The following KCNQ5 variants were observed in gnomAD, a reference collection of about 807,000 sequenced individuals.
KCNQ5 encodes the protein potassium voltage-gated channel subfamily KQT member 5.
In KCNQ5, 30 loss-of-function variants were observed where a neutral mutation model predicts 98.2. The observed-to-expected ratio is 0.31, with a 90% CI of 0.23 to 0.41. The LOEUF (loss-of-function observed/expected upper bound fraction) is 0.41. Among genes scored for constraint, KCNQ5 ranks in the 10% least tolerant of loss-of-function variants. The probability of loss-of-function intolerance (pLI) is 1.00; values close to 1 mark genes in which losing one functional copy is unlikely to be tolerated. For synonymous variants in KCNQ5, 458 were observed against 449.4 expected (o/e 1.02, Z -0.24); for missense variants, 835 against 1,182.5 (o/e 0.71, Z 4.31).
intron 1 of KCNQ5, among the ~76,000 whole-genome samples, chr6:72,992,629 T>C (rs1405770433): frequency 2.3e-4 from 1 of 4,440 alleles, no homozygotes; most frequent in Non-Finnish European, 3.3e-4. Flanking sequence ...CCAGTCTGTG[T>C]CTTTTAATTG....
intron 1 of KCNQ5, among the ~76,000 whole-genome samples, chr6:72,837,928 G>C (rs1451312069): frequency 6.6e-6 from 1 of 151,758 alleles, no homozygotes; most frequent in African/African-American, 2.4e-5. Context: ...TGGACACCAA[G>C]TTATTTTTTT....
chr6:72,853,664 C>A (rs568543249), intron 1 of KCNQ5, among the ~76,000 whole-genome samples: 2 of 152,180 alleles, frequency 1.3e-5, no homozygotes, highest in Non-Finnish European at 2.9e-5. Context: ...GGCTGATGTG[C>A]AGCCATGTTG....
intron 1 of KCNQ5, among the ~76,000 whole-genome samples, chr6:72,667,839 G>A (rs1766902689): frequency 6.6e-6 from 1 of 152,128 alleles, no homozygotes; most frequent in Admixed American, 6.5e-5. Context: ...TATCAGATGA[G>A]TGCAAGCTGA....
At chr6:72,803,549 C>T (rs530480528) in intron 1 of KCNQ5, among the ~76,000 whole-genome samples, 21 of 152,250 alleles carry the variant, frequency 1.4e-4, no homozygotes, top group African/African-American at 4.8e-4. Context: ...CTGGATCTGT[C>T]CTATAAATTA....
Position 73,196,760 on chromosome 6 carries a change from G to A in KCNQ5, c.*1346G>A, listed in dbSNP as rs546165574. The A allele has an allele frequency of 7.9e-5, 12 of 152,190 alleles. 1 individual carries two copies. The South Asian group carries it at 1.0e-3, about 13-fold the overall frequency. 9.4% of individuals were successfully genotyped at this position (152,190 alleles called of 1,614,324 possible). On this transcript the variant is annotated 3_prime_UTR_variant, in exon 14 of 14. Coordinates refer to ENST00000370398, the MANE Select transcript of KCNQ5 (RefSeq NM_019842.4). ...AACATTTACAATTAGAAGCTAGATA[G>A]TACTGGCAGAGTCTGCAAATCAGAA... is the stretch of plus-strand genomic sequence containing the variant.
At chr6:73,018,044 G>T (rs138036351) in intron 2 of KCNQ5, among the ~76,000 whole-genome samples, 25 of 152,166 alleles carry the variant, frequency 1.6e-4, no homozygotes, top group Admixed American at 4.6e-4. Context: ...AACATCAAAT[G>T]CAACCTCAAA....
At chr6:72,821,074 T>G (rs1257230904) in intron 1 of KCNQ5, among the ~76,000 whole-genome samples, 1 of 152,092 alleles carries the variant, frequency 6.6e-6, no homozygotes, top group African/African-American at 2.4e-5. Context: ...CAAGAGCTGG[T>G]GGAATGAGGA....
At chr6:72,642,956 C>T (rs1163750596) in intron 1 of KCNQ5, among the ~76,000 whole-genome samples, 1 of 152,132 alleles carries the variant, frequency 6.6e-6, no homozygotes, top group African/African-American at 2.4e-5. Flanking sequence ...ATATCCTTTG[C>T]AGGAACATGG....
chr6:72,941,515 C>T (rs901568697), intron 1 of KCNQ5, among the ~76,000 whole-genome samples: 45 of 140,616 alleles, frequency 3.2e-4, no homozygotes, highest in African/African-American at 1.1e-3. Context: ...TCTCTCCCTC[C>T]CTTCCTTCCT....
At chr6:72,960,386 TCA>T (rs1046599515) in intron 1 of KCNQ5, among the ~76,000 whole-genome samples, 15 of 152,156 alleles carry the variant, frequency 9.9e-5, no homozygotes, top group African/African-American at 3.4e-4. Flanking sequence ...TATTTCTATT[TCA>T]GTGTCCCCAA....
At chr6:72,932,760 T>TA (rs1423059182) in intron 1 of KCNQ5, among the ~76,000 whole-genome samples, 1 of 152,214 alleles carries the variant, frequency 6.6e-6, no homozygotes, top group Admixed American at 6.5e-5. Flanking sequence ...AATGCATCTA[T>TA]ATCCTGCATA....
chr6:72,638,432 G>A (rs6900054), intron 1 of KCNQ5, among the ~76,000 whole-genome samples: 61,427 of 151,808 alleles, frequency 0.4, 13,281 homozygotes, highest in Middle Eastern at 0.51. Flanking sequence ...CAGGCTTCAG[G>A]GCAGGAAGTG....
chr6:72,837,443 GCCTTTGTATGTAACA>G (rs1776552601), intron 1 of KCNQ5, among the ~76,000 whole-genome samples: 2 of 151,914 alleles, frequency 1.3e-5, no homozygotes, highest in African/African-American at 4.8e-5. Context: ...CTAGTACCTT[GCCTTTGTATGTAACA>G]CCTGTACTAG....
In KCNQ5 at chr6:72,628,289, G is replaced by C. The variant is rs913598952; in HGVS notation, c.398+5702G>C. ...TTAAAAGAAAAAAGATATGGGACTA[G>C]AAGTAGGAGATTAGTGCTTTGCTTG... On this transcript the variant is annotated intron_variant, in intron 1 of 13. Coordinates refer to ENST00000370398, the MANE Select transcript of KCNQ5 (RefSeq NM_019842.4). Among the ~76,000 whole-genome samples the C allele has an allele frequency of 3.3e-5, 5 of 152,272 alleles. No homozygotes were observed. The South Asian group carries it at 1.0e-3, about 32-fold the overall frequency.
chr6:72,780,304 T>C (rs1413334896), intron 1 of KCNQ5, among the ~76,000 whole-genome samples: 1 of 152,206 alleles, frequency 6.6e-6, no homozygotes, highest in East Asian at 1.9e-4. Context: ...GAGTTGGAGC[T>C]TTAAGAATTG....
intron 1 of KCNQ5, among the ~76,000 whole-genome samples, chr6:72,921,589 G>A (rs1031779335): frequency 3.9e-5 from 6 of 152,114 alleles, no homozygotes; most frequent in Admixed American, 3.3e-4. Context: ...GATTCTCTTT[G>A]AGCTTCAGTT....
intron 1 of KCNQ5, among the ~76,000 whole-genome samples, chr6:72,866,786 A>G (rs1023192155): frequency 1.3e-5 from 2 of 152,174 alleles, no homozygotes; most frequent in Admixed American, 6.5e-5. Flanking sequence ...TAATCTAACC[A>G]TATTGCCTAA....
chr6:72,929,014 T>C (rs1765567922), intron 1 of KCNQ5, among the ~76,000 whole-genome samples: 1 of 152,106 alleles, frequency 6.6e-6, no homozygotes, highest in Non-Finnish European at 1.5e-5. Context: ...GTCATGCGTA[T>C]AGAAGTATAG....
intron 12 of KCNQ5, 52 bp from the exon 13 acceptor site, chr6:73,192,513 G>A: frequency 1.3e-6 from 2 of 1,503,710 alleles, no homozygotes; most frequent in Middle Eastern, 1.8e-4. Context: ...TTCTGACCTA[G>A]GGCAATCTCC....
Sources: allele counts gnomAD v4.1 joint callset (sites outside exome capture counted in the v4.1 genomes callset), GRCh38; gene constraint gnomAD v4.1.1; transcripts MANE v1.5; gene names NCBI Gene and HGNC (gene_info 2026-07-23, HGNC 2026-07-21).